The following UBAC2 variants were observed in gnomAD, a reference collection of about 807,000 sequenced individuals.
UBAC2 encodes the protein UBA domain containing 2.
In UBAC2, 26 loss-of-function variants were observed where a neutral mutation model predicts 44.0. The observed-to-expected ratio is 0.59, with a 90% CI of 0.43 to 0.82. UBAC2 has a LOEUF of 0.82. Ranked by LOEUF, UBAC2 falls within the 40% of genes least tolerant of loss-of-function variation. The probability of loss-of-function intolerance (pLI) is 0.00; values close to 1 mark genes in which losing one functional copy is unlikely to be tolerated. For synonymous variants in UBAC2, 155 were observed against 154.3 expected (o/e 1.00, Z -0.04); for missense variants, 329 against 419.4 (o/e 0.78, Z 1.88).
At chr13:99,246,832 T>C (rs958091275) in intron 4 of UBAC2, among the ~76,000 whole-genome samples, 1 of 152,230 alleles carries the variant, frequency 6.6e-6, no homozygotes, top group Non-Finnish European at 1.5e-5. Context: ...TAAATGTTAA[T>C]TCAGCCATCT....
Position 99,295,105 on chromosome 13 carries a change from T to G in UBAC2, c.390-18992T>G. On this transcript the variant is annotated intron_variant, in intron 4 of 8. Transcript: ENST00000403766. The surrounding 1 kb of genome is among the most constrained non-coding windows in gnomAD (Gnocchi z 4.1). ...TGGAATGTATCATCATCTGCGTTTC[T>G]GTCATTTCACGTGAATTTTCTTCAG... 6.2e-7 allele frequency: 1 copy of G among 1,614,114 alleles called. No homozygotes were observed. The highest frequency in any genetic ancestry group is 8.5e-7 in the Non-Finnish European group (1 of 1,179,976).
chr13:99,385,455 G>A lies in UBAC2; in HGVS notation c.*120G>A, dbSNP rs1471581010. 2 of 778,724 alleles carry A rather than the reference G, an allele frequency of 2.6e-6. No homozygotes were observed. Among genetic ancestry groups the A allele is most frequent in the African/African-American group, 1.7e-5 (1 of 58,622 alleles). The allele number at this position is 778,724 out of a possible 1,614,324, so 48.2% of individuals were successfully genotyped here. A position where few individuals can be genotyped will look rare whatever the true frequency, so the allele number is the denominator to read the frequency against. ...CTGATGTTCTTGTGGGAAGAGGGAG[G>A]TTCCACCGCACCCCTGCCCTCAACC... On this transcript the variant is annotated 3_prime_UTR_variant, in exon 9 of 9. Coordinates refer to ENST00000403766, the MANE Select transcript of UBAC2 (RefSeq NM_001144072.2).
chr13:99,228,440 C>T (rs912488075), intron 1 of UBAC2, among the ~76,000 whole-genome samples: 2 of 147,328 alleles, frequency 1.4e-5, no homozygotes, highest in African/African-American at 2.4e-5. Context: ...GGCTCCCCCG[C>T]ACCCCACCAC....
At position 99,322,221 on chromosome 13, in the gene UBAC2, A is replaced by G. The variant is rs565825148; in HGVS notation, c.561+4152A>G. Among the ~76,000 whole-genome samples the G allele has an allele frequency of 4.6e-5, 7 of 152,350 alleles. No homozygotes were observed. In the East Asian group the frequency reaches 1.3e-3, roughly 29 times the overall value. On this transcript the variant is annotated intron_variant, in intron 6 of 8. Transcript: ENST00000403766. Reference sequence around the variant, plus strand: ...AATTGAAGTCAGTCTTTACATATTCATAATTCCACTAATTTTCTTACACAT... The same window carrying G: ...AATTGAAGTCAGTCTTTACATATTCGTAATTCCACTAATTTTCTTACACAT...
chr13:99,313,823 A>C (rs9517680), intron 4 of UBAC2, among the ~76,000 whole-genome samples: 20,751 of 152,200 alleles, frequency 0.14, 1,667 homozygotes, highest in East Asian at 0.33. Context: ...AAGAAAACAT[A>C]GCCTCCACTT....
chr13:99,205,541 TTTTTG>T lies in UBAC2; in HGVS notation c.31+4607_31+4611del, dbSNP rs1314996535. Among the ~76,000 whole-genome samples the T allele has an allele frequency of 2.0e-5, 3 of 152,108 alleles. No homozygotes were observed. The East Asian group carries it at 5.8e-4, about 29-fold the overall frequency. On this transcript the variant is annotated intron_variant, in intron 1 of 8. Coordinates refer to ENST00000403766, the MANE Select transcript of UBAC2 (RefSeq NM_001144072.2). ...AGCATGAGTGTCAGAAACCTGTTAT[TTTTTG>T]TTTTAAGAAATGTGTATTTTTAAAG... is the stretch of plus-strand genomic sequence containing the variant.
At chr13:99,201,648 T>C in intron 1 of UBAC2, 1 of 1,506,318 alleles carries the variant, frequency 6.6e-7, no homozygotes, top group Non-Finnish European at 9.1e-7. Flanking sequence ...TAAGGTAGAC[T>C]GCGTGTTAAC....
intron 4 of UBAC2, among the ~76,000 whole-genome samples, chr13:99,292,719 T>TTG (rs2044108129): frequency 4.1e-3 from 2 of 486 alleles, no homozygotes; most frequent in South Asian, 0.25. Context: ...GCTTTGAGGG[T>TTG]TTTTTTTTTT....
chr13:99,367,921 ATACC>A lies in UBAC2; in HGVS notation c.927+17_927+20del, dbSNP rs778928737. ...CTGAGGAACAGGTAATTAATCAGTAATACCTGGTACTCATTCTAAATCCATGTTT... is the reference window on the plus strand; with the variant it reads ...CTGAGGAACAGGTAATTAATCAGTAATGGTACTCATTCTAAATCCATGTTT... On this transcript the variant is annotated intron_variant, in intron 8 of 8. Coordinates refer to ENST00000403766, the MANE Select transcript of UBAC2 (RefSeq NM_001144072.2). 100 of 1,612,276 alleles carry A rather than the reference ATACC, an allele frequency of 6.2e-5. No individual in the cohort carries two copies. Among genetic ancestry groups the A allele is most frequent in the Non-Finnish European group, 8.2e-5 (97 of 1,179,160 alleles).
At chr13:99,338,704 T>C (rs1463788604) in intron 6 of UBAC2, among the ~76,000 whole-genome samples, 2 of 152,254 alleles carry the variant, frequency 1.3e-5, no homozygotes, top group African/African-American at 4.8e-5. Flanking sequence ...CCATTCACTC[T>C]TCAGCCTACT....
At chr13:99,333,586 C>G (rs1028774341) in intron 6 of UBAC2, among the ~76,000 whole-genome samples, 2 of 152,238 alleles carry the variant, frequency 1.3e-5, no homozygotes, top group African/African-American at 4.8e-5. Flanking sequence ...CTTCCCCATT[C>G]AGAGTTTACA....
At chr13:99,231,949 A>G (rs756701353) in intron 1 of UBAC2, among the ~76,000 whole-genome samples, 6 of 152,218 alleles carry the variant, frequency 3.9e-5, no homozygotes, top group Non-Finnish European at 8.8e-5. Flanking sequence ...TGATCTATGT[A>G]CTGAAGAGCT....
chr13:99,284,528 C>T (rs2043993637), intron 4 of UBAC2, among the ~76,000 whole-genome samples: 3 of 152,200 alleles, frequency 2.0e-5, no homozygotes, highest in Admixed American at 1.3e-4. Context: ...TCTCTCTACA[C>T]AGTATTTTTT....
chr13:99,292,123 A>G (rs1361017768), intron 4 of UBAC2, among the ~76,000 whole-genome samples: 1 of 149,854 alleles, frequency 6.7e-6, no homozygotes, highest in African/African-American at 2.4e-5. Flanking sequence ...TTGGGGTTAC[A>G]TTCCTTTTTT....
At chr13:99,360,145 G>T (rs977150885) in intron 7 of UBAC2, among the ~76,000 whole-genome samples, 1 of 152,196 alleles carries the variant, frequency 6.6e-6, no homozygotes, top group Non-Finnish European at 1.5e-5. Context: ...AGTCAGCTCA[G>T]GCTGCAGTGA....
chr13:99,219,624 TG>T (rs2043032941), intron 1 of UBAC2, among the ~76,000 whole-genome samples: 3 of 152,198 alleles, frequency 2.0e-5, no homozygotes, highest in Admixed American at 2.0e-4. Flanking sequence ...TTAGTGTTAG[TG>T]TACTTTATGT....
chr13:99,239,229 C>T (rs1193116631), intron 2 of UBAC2, among the ~76,000 whole-genome samples: 1 of 152,192 alleles, frequency 6.6e-6, no homozygotes, highest in Non-Finnish European at 1.5e-5. Context: ...AATACCATTG[C>T]TCAGATTGGC....
chr13:99,350,759 T>A (rs759379593), intron 7 of UBAC2, among the ~76,000 whole-genome samples: 2 of 152,228 alleles, frequency 1.3e-5, no homozygotes, highest in Non-Finnish European at 2.9e-5. Flanking sequence ...TTATAGCACG[T>A]TGGTTAGAAC....
chr13:99,351,557 T>G (rs766914839), intron 7 of UBAC2: 1 of 456,758 alleles, frequency 2.2e-6, no homozygotes, highest in South Asian at 1.5e-5. Flanking sequence ...TACCTGGAAA[T>G]GTGAATTCTC....
Sources: allele counts gnomAD v4.1 joint callset (sites outside exome capture counted in the v4.1 genomes callset), GRCh38; gene constraint gnomAD v4.1.1; non-coding constraint Gnocchi (gnomAD v3.1); transcripts MANE v1.5; gene names NCBI Gene and HGNC (gene_info 2026-07-23, HGNC 2026-07-21).